Variants in TFAP2E observed in about 807,000 individuals in gnomAD.
TFAP2E encodes the protein transcription factor AP-2-epsilon.
A neutral mutation model predicts 37.9 loss-of-function variants in TFAP2E; 30 were observed. That is an observed-to-expected ratio of 0.79 (90% CI 0.59 to 1.07). The LOEUF (loss-of-function observed/expected upper bound fraction) is 1.07, where lower values mean the gene tolerates loss of function less well. Among genes scored for constraint, TFAP2E ranks in the 50% least tolerant of loss-of-function variants. The pLI, the probability that TFAP2E is intolerant of heterozygous loss-of-function variation, is 0.00. For synonymous variants in TFAP2E, 318 were observed against 295.8 expected, an observed-to-expected ratio of 1.08 and a Z score of -0.77; for missense variants, 567 against 637.9, an observed-to-expected ratio of 0.89 and a Z score of 1.20.
At chr1:35,579,300 G>T (rs2148547371) in intron 3 of TFAP2E, among the ~76,000 whole-genome samples, 1 of 151,440 alleles carries the variant, frequency 6.6e-6, no homozygotes, top group Non-Finnish European at 1.5e-5. Flanking sequence ...GGAGGCTGAG[G>T]CAGGAGAATC....
chr1:35,594,492 G>T lies in TFAP2E; in HGVS notation c.1145G>T (p.Cys382Phe), dbSNP rs762921036. The T allele has an allele frequency of 6.2e-7, 1 of 1,614,210 alleles. No homozygotes were observed. Among genetic ancestry groups the T allele is most frequent in the Non-Finnish European group, 8.5e-7 (1 of 1,180,048 alleles). ...ATCCTGGAGCCCGGAGTACAGAGCTGCTTGACACACTTTAGCCTCATCACC... is the reference window on the plus strand; with the variant it reads ...ATCCTGGAGCCCGGAGTACAGAGCTTCTTGACACACTTTAGCCTCATCACC... ...ALILEPGVQS[C>F]LTHFSLITHG... Residue 382 changes from cysteine to phenylalanine, a missense_variant, in exon 7 of 7, where the codon TGC (cysteine) becomes TTC (phenylalanine). Physicochemically the swap from Cys to Phe is radical, Grantham distance 205. This residue lies in a region of TFAP2E where 252 missense variants were observed against 302.6 expected (regional missense o/e 0.83). Coordinates refer to ENST00000373235, the MANE Select transcript of TFAP2E (RefSeq NM_178548.4).
chr1:35,587,892 G>T (rs752221770), intron 3 of TFAP2E, among the ~76,000 whole-genome samples: 2 of 152,124 alleles, frequency 1.3e-5, no homozygotes, highest in Admixed American at 6.5e-5. Flanking sequence ...CGATGCAGGG[G>T]TGAGGTGGGG....
At chr1:35,595,452 TG>T (rs1649803165), downstream of TFAP2E, 1 of 84,174 alleles carries the variant, frequency 1.2e-5, no homozygotes, top group Non-Finnish European at 2.3e-5. Context: ...GGGCTGTGGG[TG>T]GGTTGGGAGG....
chr1:35,592,102 A>G (rs2148554614), intron 6 of TFAP2E, among the ~76,000 whole-genome samples: 1 of 152,228 alleles, frequency 6.6e-6, no homozygotes, highest in South Asian at 2.1e-4. Context: ...TAGCCTGGGC[A>G]ACATGGTGAA....
chr1:35,577,293 C>G lies in TFAP2E; in HGVS notation c.562+2293C>G, dbSNP rs1262476093. On this transcript the variant is annotated intron_variant, in intron 3 of 6. Coordinates refer to ENST00000373235, the MANE Select transcript of TFAP2E (RefSeq NM_178548.4). This position sits in a 1 kb window ranked among gnomAD's most constrained non-coding sequence, Gnocchi z 6.3. ...TCCCTGGAGCCGCCCCTCCCCACACCTGCCCTCGGCGCCCCCAGCAGTTTT... is the reference window on the plus strand; with the variant it reads ...TCCCTGGAGCCGCCCCTCCCCACACGTGCCCTCGGCGCCCCCAGCAGTTTT... The G allele has an allele frequency of 6.8e-6, 3 of 443,014 alleles. No homozygotes were observed. In the East Asian group the frequency reaches 2.1e-4, roughly 31 times the overall value. The allele number at this position is 443,014 out of a possible 1,614,324, so 27.4% of individuals were successfully genotyped here.
In TFAP2E at chr1:35,588,075, C is replaced by A. The variant is rs895176730; in HGVS notation, c.563-255C>A. 2.6e-5 allele frequency among the ~76,000 whole-genome samples: 4 copies of A among 152,184 alleles called. No individual in the cohort carries two copies. The highest frequency in any genetic ancestry group is 7.2e-5 in the African/African-American group (3 of 41,430). ...CCCTCTCTGATGGCATCCGCTAAAA[C>A]ACCAAGATTCCGCTGGAGCTGTTTG... is the stretch of plus-strand genomic sequence containing the variant. On this transcript the variant is annotated intron_variant, in intron 3 of 6. Transcript: ENST00000373235. This position sits in a 1 kb window ranked among gnomAD's most constrained non-coding sequence, Gnocchi z 5.1.
intron 3 of TFAP2E, among the ~76,000 whole-genome samples, chr1:35,578,394 C>T (rs1649244198): frequency 6.6e-6 from 1 of 151,006 alleles, no homozygotes; most frequent in African/African-American, 2.4e-5. Context: ...CGCCACTGCA[C>T]TCCAGCCTGG....
chr1:35,575,226 C>T (rs1403023913), intron 3 of TFAP2E, among the ~76,000 whole-genome samples: 1 of 152,214 alleles, frequency 6.6e-6, no homozygotes, highest in East Asian at 1.9e-4. Context: ...CACTGGGCTG[C>T]AGCACTGGGA....
At position 35,590,883 on chromosome 1, in the gene TFAP2E, G is replaced by A. The variant is rs116127702; in HGVS notation, c.1046+108G>A. ...GTACATGAGCAGTGGGCACACATGC[G>A]TATTTGCGCACCACTGTGTACACGA... On this transcript the variant is annotated intron_variant, in intron 6 of 6. Coordinates refer to ENST00000373235, the MANE Select transcript of TFAP2E (RefSeq NM_178548.4). This position sits in a 1 kb window ranked among gnomAD's most constrained non-coding sequence, Gnocchi z 6.2. The A allele has an allele frequency of 4.0e-3, 4,917 of 1,227,722 alleles. 152 individuals are homozygous for A. The African/African-American group carries it at 0.068, about 17-fold the overall frequency. The allele number at this position is 1,227,722 out of a possible 1,614,324, so 76.1% of individuals were successfully genotyped here. A position where few individuals can be genotyped will look rare whatever the true frequency, so the allele number is the denominator to read the frequency against.
chr1:35,589,929 G>A lies in TFAP2E; in HGVS notation c.786-1G>A. On this transcript the variant is annotated splice_acceptor_variant, in intron 4 of 6. Coordinates refer to ENST00000373235, the MANE Select transcript of TFAP2E (RefSeq NM_178548.4). LOFTEE classifies it high-confidence loss of function. ...GTCTGTCTGTCTCTGTGCATGTCAA[G>A]GGCCAAGTCCAAAAATGGGGGCCGG... 1.2e-6 allele frequency: 2 copies of A among 1,613,930 alleles called. No homozygotes were observed. The highest frequency in any genetic ancestry group is 1.7e-6 in the Non-Finnish European group (2 of 1,179,862).
chr1:35,593,936 GCAGA>G (rs1399286670), intron 6 of TFAP2E, among the ~76,000 whole-genome samples: 1 of 152,214 alleles, frequency 6.6e-6, no homozygotes, highest in African/African-American at 2.4e-5. Flanking sequence ...TTAAGATGAT[GCAGA>G]CAGTGTGGTT....
At position 35,594,798 on chromosome 1, in the gene TFAP2E, T is replaced by TCCAGAGATC. The variant is rs1649785749; in HGVS notation, c.*129_*137dup. 2 of 1,429,512 alleles carry TCCAGAGATC rather than the reference T, an allele frequency of 1.4e-6. No individual in the cohort carries two copies. The highest frequency in any genetic ancestry group is 2.4e-5 in the Admixed American group (1 of 41,176). The allele number at this position is 1,429,512 out of a possible 1,614,324, so 88.6% of individuals were successfully genotyped here. A position where few individuals can be genotyped will look rare whatever the true frequency, so the allele number is the denominator to read the frequency against. ...AGTCAGGCCAGAAAGAGAACATTCA[T>TCCAGAGATC]CCAGAGATCCCAGAGTTGGGGATCT... On this transcript the variant is annotated 3_prime_UTR_variant, in exon 7 of 7. Coordinates refer to ENST00000373235, the MANE Select transcript of TFAP2E (RefSeq NM_178548.4).
At position 35,576,872 on chromosome 1, in the gene TFAP2E, G is replaced by C. The variant is rs551086496; in HGVS notation, c.562+1872G>C. ...CTGGAGCGGGGCGGGACGCGGCCGC[G>C]CGGACTCACGTGCACAACCGCGCGG... On this transcript the variant is annotated intron_variant, in intron 3 of 6. Transcript: ENST00000373235. Among the ~76,000 whole-genome samples the C allele has an allele frequency of 8.6e-5, 13 of 152,026 alleles. No individual in the cohort carries two copies. In the East Asian group the frequency reaches 2.5e-3, roughly 30 times the overall value.
In TFAP2E at chr1:35,594,884, G is replaced by A. The variant is rs569661564; in HGVS notation, c.*208G>A. The A allele has an allele frequency of 7.2e-5, 48 of 667,412 alleles. No individual in the cohort carries two copies. Among genetic ancestry groups the A allele is most frequent in the Non-Finnish European group, 3.7e-5 (15 of 402,348 alleles). The allele number at this position is 667,412 out of a possible 1,614,324, so 41.3% of individuals were successfully genotyped here. Reference sequence around the variant, plus strand: ...GTGTGTTGGTAAGTTAAGGGCCCAGGTATTTGTCTCATGTGTGCAATTTTC... The same window carrying A: ...GTGTGTTGGTAAGTTAAGGGCCCAGATATTTGTCTCATGTGTGCAATTTTC... On this transcript the variant is annotated 3_prime_UTR_variant, in exon 7 of 7. Coordinates refer to ENST00000373235, the MANE Select transcript of TFAP2E (RefSeq NM_178548.4).
chr1:35,581,345 A>G (rs1251981863), intron 3 of TFAP2E, among the ~76,000 whole-genome samples: 1 of 152,218 alleles, frequency 6.6e-6, no homozygotes, highest in African/African-American at 2.4e-5. Flanking sequence ...AGCTGTCTTA[A>G]ATAATGTTGC....
intron 3 of TFAP2E, among the ~76,000 whole-genome samples, chr1:35,587,922 A>T (rs1190422725): frequency 1.3e-5 from 2 of 152,084 alleles, no homozygotes; most frequent in East Asian, 3.9e-4. Context: ...AGAGAGGAAA[A>T]ACGTGGGAAT....
rs576402691 is a variant in TFAP2E, at chr1:35,588,565, G to A, written c.785+13G>A. ...GTGTCCTCCGCAGGTAGGAAGGCCA[G>A]CCCACAATTCCCCGCCTGATTGGAT... On this transcript the variant is annotated intron_variant, in intron 4 of 6. Coordinates refer to ENST00000373235, the MANE Select transcript of TFAP2E (RefSeq NM_178548.4). The surrounding 1 kb of genome is among the most constrained non-coding windows in gnomAD (Gnocchi z 5.1). 1.3e-6 allele frequency: 2 copies of A among 1,557,854 alleles called. No homozygotes were observed. The highest frequency in any genetic ancestry group is 1.8e-5 in the Admixed American group (1 of 56,794).
intron 3 of TFAP2E, among the ~76,000 whole-genome samples, chr1:35,576,189 G>A (rs915501179): frequency 6.6e-6 from 1 of 152,232 alleles, no homozygotes; most frequent in Non-Finnish European, 1.5e-5. Flanking sequence ...GGTGGTAGCA[G>A]GGCTGGGGCT....
intron 3 of TFAP2E, among the ~76,000 whole-genome samples, chr1:35,587,350 T>G (rs1649509862): frequency 6.6e-6 from 1 of 152,140 alleles, no homozygotes; most frequent in Non-Finnish European, 1.5e-5. Flanking sequence ...TTTAGAAAAT[T>G]AACTTCTGGC....
Sources: allele counts gnomAD v4.1 joint callset (sites outside exome capture counted in the v4.1 genomes callset), GRCh38; gene constraint gnomAD v4.1.1; regional missense constraint gnomAD v4.1.1; non-coding constraint Gnocchi (gnomAD v3.1); transcripts MANE v1.5; gene names NCBI Gene and HGNC (gene_info 2026-07-23, HGNC 2026-07-21).